DIDO1: variants seen among roughly 807,000 people sequenced by gnomAD.
DIDO1 encodes the protein death-inducer obliterator 1.
In DIDO1, 16 loss-of-function variants were observed where a neutral mutation model predicts 99.4. The ratio of observed to expected loss-of-function variants is 0.16; its 90% CI spans 0.11 to 0.24. The LOEUF (loss-of-function observed/expected upper bound fraction) is 0.24. Among genes scored for constraint, DIDO1 ranks in the 10% least tolerant of loss-of-function variants. The pLI is 1.00. For synonymous variants in DIDO1, 1,366 were observed against 1,239.1 expected (o/e 1.10, Z -2.15); for missense variants, 2,996 against 3,014.0 (o/e 0.99, Z 0.14).
At chr20:62,912,800 G>A (rs536840559) in intron 2 of DIDO1, among the ~76,000 whole-genome samples, 8 of 152,326 alleles carry the variant, frequency 5.3e-5, no homozygotes, top group Non-Finnish European at 1.0e-4. Context: ...GGGAGGCCGA[G>A]GCAGGCAGAC....
At chr20:62,897,093 C>A (rs917158604) in intron 6 of DIDO1, 97 bp from the exon 7 acceptor site, 22 of 1,113,088 alleles carry the variant, frequency 2.0e-5, no homozygotes, top group African/African-American at 3.2e-5. Flanking sequence ...CTGTAAGTGC[C>A]CACCTGGCAT....
In DIDO1 at chr20:62,879,226, G is replaced by C. The variant is rs974486620; in HGVS notation, c.*7C>G. 14 of 1,486,924 alleles carry C rather than the reference G, an allele frequency of 9.4e-6. No homozygotes were observed. Among genetic ancestry groups the C allele is most frequent in the African/African-American group, 4.3e-5 (3 of 69,936 alleles). The allele number at this position is 1,486,924 out of a possible 1,614,324, so 92.1% of individuals were successfully genotyped here. On this transcript the variant is annotated 3_prime_UTR_variant, in exon 16 of 16. Coordinates refer to ENST00000395343, the MANE Select transcript of DIDO1 (RefSeq NM_001193369.2). This position sits in a 1 kb window ranked among gnomAD's most constrained non-coding sequence, Gnocchi z 6.3. Reference sequence around the variant, plus strand: ...CTTTAAAAAGGGTCTCTGCCCGGCCGGGGCGTCTAGGCCTGCGAGGCGGTG... The same window carrying C: ...CTTTAAAAAGGGTCTCTGCCCGGCCCGGGCGTCTAGGCCTGCGAGGCGGTG...
intron 1 of DIDO1, among the ~76,000 whole-genome samples, chr20:62,926,224 A>C (rs1168787328): frequency 2.0e-5 from 3 of 149,538 alleles, no homozygotes; most frequent in Non-Finnish European, 4.5e-5. Context: ...CCCGCGCCCC[A>C]GGCCGCGGCG....
rs1259189679 is a variant in DIDO1, at chr20:62,911,555, T to G, written c.58A>C (p.Ser20Arg). Residue 20 changes from serine (S) to arginine (R), a missense_variant, in exon 3 of 16, where the codon AGC becomes CGC. Physicochemically the swap from Ser to Arg is moderately radical, Grantham distance 110. Around this residue, in one of 5 missense-constraint regions of DIDO1, gnomAD observed 388 missense variants for 376.6 expected, o/e 1.03. Coordinates refer to ENST00000395343, the MANE Select transcript of DIDO1 (RefSeq NM_001193369.2). The surrounding 1 kb of genome is among the most constrained non-coding windows in gnomAD (Gnocchi z 7.0). ...EEAPKAIKPT[S>R]KEFRKTWGFR... ...CCCCATGTTTTCCTGAACTCTTTGC[T>G]GGTGGGTTTGATGGCCTTAGGTGCC... 6.2e-7 allele frequency: 1 copy of G among 1,610,916 alleles called. No individual in the cohort carries two copies. Among genetic ancestry groups the G allele is most frequent in the South Asian group, 1.1e-5 (1 of 90,410 alleles).
chr20:62,918,630 A>T (rs565914526), intron 1 of DIDO1, among the ~76,000 whole-genome samples: 2 of 152,364 alleles, frequency 1.3e-5, no homozygotes, highest in Non-Finnish European at 2.9e-5. Context: ...AGTGGCAAAC[A>T]TTCTGTTTCT....
intron 1 of DIDO1, among the ~76,000 whole-genome samples, chr20:62,917,676 G>A (rs999664188): frequency 2.0e-5 from 3 of 152,130 alleles, no homozygotes; most frequent in East Asian, 1.9e-4. Context: ...TAATCACAGC[G>A]AAAGTAAAAA....
chr20:62,921,869 A>G (rs948049403), intron 1 of DIDO1, among the ~76,000 whole-genome samples: 1 of 150,872 alleles, frequency 6.6e-6, no homozygotes, highest in African/African-American at 2.4e-5. Flanking sequence ...CGCTATATAT[A>G]TATCCACAAT....
chr20:62,878,011 C>T lies in DIDO1; in HGVS notation c.*1222G>A, dbSNP rs1467552703. 6.6e-6 allele frequency: 1 copy of T among 152,174 alleles called. No homozygotes were observed. Among genetic ancestry groups the T allele is most frequent in the Non-Finnish European group, 1.5e-5 (1 of 68,042 alleles). The allele number at this position is 152,174 out of a possible 1,614,324, so 9.4% of individuals were successfully genotyped here. On this transcript the variant is annotated 3_prime_UTR_variant, in exon 16 of 16. Coordinates refer to ENST00000395343, the MANE Select transcript of DIDO1 (RefSeq NM_001193369.2). ...ATTTAACCTATGGACACTTGGCTTT[C>T]AACACCAAACATCTCAAACTGATAC...
intron 1 of DIDO1, among the ~76,000 whole-genome samples, chr20:62,922,507 G>T (rs1441585122): frequency 6.6e-6 from 1 of 152,000 alleles, no homozygotes; most frequent in Non-Finnish European, 1.5e-5. Flanking sequence ...TAGCGGGGGT[G>T]GGGGGGTACA....
chr20:62,935,703 G>A (rs910321650), intron 1 of DIDO1, among the ~76,000 whole-genome samples: 1 of 152,226 alleles, frequency 6.6e-6, no homozygotes, highest in East Asian at 1.9e-4. Flanking sequence ...ACTTATAGCT[G>A]CGCTAACTTT....
Position 62,906,036 on chromosome 20 carries a change from T to G in DIDO1, c.1439A>C (p.Lys480Thr). 1 of 1,613,950 alleles carries G rather than the reference T, an allele frequency of 6.2e-7. No individual in the cohort carries two copies. Among genetic ancestry groups the G allele is most frequent in the Non-Finnish European group, 8.5e-7 (1 of 1,180,028 alleles). The part of the protein sequence containing the change: ...PAPEKKETTV[K>T]KAVVVPARSE... ...CCGCGCAGGGACCACCACTGCCTTC[T>G]TCACTGTGGTCTCTTTTTTTTCTGG... Residue 480 changes from lysine (K) to threonine (T), a missense_variant, in exon 6 of 16, where the codon AAG becomes ACG. By Grantham distance (78) the Lys-to-Thr change is moderately conservative (BLOSUM62 -1). Coordinates refer to ENST00000395343, the MANE Select transcript of DIDO1 (RefSeq NM_001193369.2).
chr20:62,889,887 CAT>C, intron 15 of DIDO1: 1 of 985,454 alleles, frequency 1.0e-6, no homozygotes, highest in Non-Finnish European at 1.2e-6. Flanking sequence ...CCTTTATGGA[CAT>C]ATAATTCCAC....
At position 62,891,740 on chromosome 20, in the gene DIDO1, C is replaced by T. The variant is rs190094815; in HGVS notation, c.3345+247G>A. Among the ~76,000 whole-genome samples the T allele has an allele frequency of 2.6e-5, 4 of 151,038 alleles. No individual in the cohort carries two copies. The East Asian group carries it at 7.7e-4, about 29-fold the overall frequency. ...ACCGCGGCACACTCAGACACCTTCACACAGTCATACAACTATGTAAACTTT... is the reference window on the plus strand; with the variant it reads ...ACCGCGGCACACTCAGACACCTTCATACAGTCATACAACTATGTAAACTTT... On this transcript the variant is annotated intron_variant, in intron 14 of 15. Coordinates refer to ENST00000395343, the MANE Select transcript of DIDO1 (RefSeq NM_001193369.2).
In DIDO1 at chr20:62,894,531, T is replaced by C; in HGVS notation, c.2454A>G (p.Ala818=). 6.2e-7 allele frequency: 1 copy of C among 1,609,414 alleles called. No individual in the cohort carries two copies. The highest frequency in any genetic ancestry group is 8.5e-7 in the Non-Finnish European group (1 of 1,178,862). The part of the protein sequence containing the change: ...VSDSEEQQES[A]RAVPEKSTAP... Reference sequence around the variant, plus strand: ...CTGTGCTCTTCTCAGGGACAGCACGTGCTGACTCTTGCTGTTCCTAAAAAA... The same window carrying C: ...CTGTGCTCTTCTCAGGGACAGCACGCGCTGACTCTTGCTGTTCCTAAAAAA... The change falls in exon 11 of 16, where the codon GCA becomes GCG. Residue 818 remains alanine, a synonymous_variant. Coordinates refer to ENST00000395343, the MANE Select transcript of DIDO1 (RefSeq NM_001193369.2). The surrounding 1 kb of genome is among the most constrained non-coding windows in gnomAD (Gnocchi z 4.4).
At chr20:62,902,921 A>G (rs2064715576) in intron 6 of DIDO1, among the ~76,000 whole-genome samples, 1 of 152,338 alleles carries the variant, frequency 6.6e-6, no homozygotes, top group East Asian at 1.9e-4. Flanking sequence ...AATTGCACCT[A>G]TCAAATACCA....
intron 14 of DIDO1, among the ~76,000 whole-genome samples, chr20:62,891,371 C>T (rs768547240): frequency 7.9e-5 from 12 of 152,196 alleles, no homozygotes; most frequent in East Asian, 1.9e-4. Flanking sequence ...ACGACGGCCC[C>T]GGTCACGAGG....
chr20:62,921,821 A>G (rs2065141793), intron 1 of DIDO1, among the ~76,000 whole-genome samples: 1 of 150,982 alleles, frequency 6.6e-6, no homozygotes, highest in Non-Finnish European at 1.5e-5. Flanking sequence ...GTGTATATCC[A>G]CAATATATAT....
intron 15 of DIDO1, among the ~76,000 whole-genome samples, chr20:62,882,839 C>T (rs1002133198): frequency 2.0e-5 from 3 of 151,508 alleles, no homozygotes; most frequent in African/African-American, 4.8e-5. Context: ...AGGGCATTGT[C>T]GCACATGCCC....
At position 62,905,988 on chromosome 20, in the gene DIDO1, G is replaced by A; in HGVS notation, c.1487C>T (p.Ala496Val). 1.2e-6 allele frequency: 2 copies of A among 1,614,054 alleles called. No individual in the cohort carries two copies. The highest frequency in any genetic ancestry group is 2.2e-5 in the South Asian group (2 of 91,080). The change falls in exon 6 of 16, where the codon GCA (alanine) becomes GTA (valine). Residue 496 changes from alanine (A) to valine (V), a missense_variant. Around this residue, in one of 5 missense-constraint regions of DIDO1, gnomAD observed 898 missense variants for 972.7 expected, o/e 0.92. Coordinates refer to ENST00000395343, the MANE Select transcript of DIDO1 (RefSeq NM_001193369.2). Reference sequence around the variant, plus strand: ...CGACGGCGTGCTGCTCTCACAAGCTGCTTCCTTCCCGAGTGCTTCACTCCG... The same window carrying A: ...CGACGGCGTGCTGCTCTCACAAGCTACTTCCTTCCCGAGTGCTTCACTCCG... ...PARSEALGKE[A>V]ACESSTPSWA... is the part of the protein sequence containing the mutation.
Sources: allele counts gnomAD v4.1 joint callset (sites outside exome capture counted in the v4.1 genomes callset), GRCh38; gene constraint gnomAD v4.1.1; regional missense constraint gnomAD v4.1.1; non-coding constraint Gnocchi (gnomAD v3.1); transcripts MANE v1.5; gene names NCBI Gene and HGNC (gene_info 2026-07-23, HGNC 2026-07-21).